Variants in CNTNAP3B observed in about 807,000 individuals in gnomAD.
CNTNAP3B encodes the protein contactin-associated protein-like 3B.
CNTNAP3B carries 25 observed loss-of-function variants against 108.9 expected under a neutral mutation model. That is an observed-to-expected ratio of 0.23 (90% CI 0.17 to 0.32). CNTNAP3B has a LOEUF of 0.32. CNTNAP3B is among the 10% of genes least tolerant of loss of function. The probability of loss-of-function intolerance (pLI) is 1.00; values close to 1 mark genes in which losing one functional copy is unlikely to be tolerated. For missense variants in CNTNAP3B, 252 were observed against 1,210.4 expected, an observed-to-expected ratio of 0.21 and a Z score of 11.75; for synonymous variants, 103 against 473.4, an observed-to-expected ratio of 0.22 and a Z score of 10.16.
intron 9 of CNTNAP3B, among the ~76,000 whole-genome samples, chr9:41,977,733 C>T (rs1420406715): frequency 2.3e-5 from 3 of 129,364 alleles, no homozygotes; most frequent in African/African-American, 6.3e-5. Flanking sequence ...CATTCTCCTG[C>T]CTCAGCCTCC....
chr9:42,094,447 G>A (rs1386244696), intron 2 of CNTNAP3B, among the ~76,000 whole-genome samples: 1 of 128,220 alleles, frequency 7.8e-6, no homozygotes, highest in Non-Finnish European at 1.6e-5. Flanking sequence ...TTGAGCCCAG[G>A]AATTCAAGAC....
At chr9:41,977,049 A>C (rs1255391488) in intron 9 of CNTNAP3B, among the ~76,000 whole-genome samples, 1 of 144,370 alleles carries the variant, frequency 6.9e-6, no homozygotes, top group African/African-American at 2.6e-5. Context: ...TATTCATGTA[A>C]CAATATATAC....
chr9:42,019,610 AAT>A lies in CNTNAP3B; in HGVS notation c.391-6087_391-6086del, dbSNP rs1250160023. On this transcript the variant is annotated intron_variant, in intron 3 of 23. Transcript: ENST00000377561. ...CTACTTCAAAAAAAAAAAAAAAAAA[AAT>A]TACCCTAGCATGGTGGCGTGCCCCT... 9.2e-4 allele frequency among the ~76,000 whole-genome samples: 134 copies of A among 145,214 alleles called. No individual in the cohort carries two copies. In the East Asian group the frequency reaches 9.5e-3, roughly 10 times the overall value.
rs1268168214 is a variant in CNTNAP3B, at chr9:41,940,557, C to T, written c.2081-2157G>A. Among the ~76,000 whole-genome samples the T allele has an allele frequency of 3.3e-5, 5 of 152,394 alleles. No individual in the cohort carries two copies. The East Asian group carries it at 9.6e-4, about 29-fold the overall frequency. On this transcript the variant is annotated intron_variant, in intron 13 of 23. Transcript: ENST00000377561. ...TTTTTAGGCCGGGTGCGGTGGCTCA[C>T]GCCTGTAATCCCAGCACTTTCGGAG...
At position 42,042,857 on chromosome 9, in the gene CNTNAP3B, T is replaced by C. The variant is rs1587225116; in HGVS notation, c.391-29332A>G. Among the ~76,000 whole-genome samples the C allele has an allele frequency of 3.7e-5, 5 of 136,292 alleles. No individual in the cohort carries two copies. In the South Asian group the frequency reaches 1.2e-3, roughly 34 times the overall value. The allele number at this position is 136,292 out of a possible 152,430, so 89.4% of individuals were successfully genotyped here. A position where few individuals can be genotyped will look rare whatever the true frequency, so the allele number is the denominator to read the frequency against. ...AGTGTCCATTCAAATCAGTGATTGATGAGAATACACAGTGTATTTTTCCTC... is the reference window on the plus strand; with the variant it reads ...AGTGTCCATTCAAATCAGTGATTGACGAGAATACACAGTGTATTTTTCCTC... On this transcript the variant is annotated intron_variant, in intron 3 of 23. Coordinates refer to ENST00000377561, the MANE Select transcript of CNTNAP3B (RefSeq NM_001201380.3).
chr9:41,931,472 T>C (rs1823975441), intron 14 of CNTNAP3B, among the ~76,000 whole-genome samples: 1 of 152,414 alleles, frequency 6.6e-6, no homozygotes, highest in Non-Finnish European at 1.5e-5. Context: ...AGACTAGGTA[T>C]CAAACTTTCA....
At chr9:41,973,330 T>A (rs1825461683) in intron 9 of CNTNAP3B, among the ~76,000 whole-genome samples, 1 of 136,312 alleles carries the variant, frequency 7.3e-6, no homozygotes, top group South Asian at 2.6e-4. Context: ...CGCAAAAAGT[T>A]ATGAAACTTT....
chr9:41,967,957 G>C (rs1478196829), intron 10 of CNTNAP3B, among the ~76,000 whole-genome samples: 1 of 152,234 alleles, frequency 6.6e-6, no homozygotes, highest in African/African-American at 2.4e-5. Flanking sequence ...GTAACTTTGG[G>C]GTACAATTTG....
rs1588036968 is a variant in CNTNAP3B, at chr9:41,916,588, T to C, written c.2995+3482A>G. Among the ~76,000 whole-genome samples, 4 of 148,602 alleles carry C rather than the reference T, an allele frequency of 2.7e-5. No homozygotes were observed. In the South Asian group the frequency reaches 8.4e-4, roughly 31 times the overall value. ...TTTTATAATTTTTAGTTTTTATGAATACCTAATAGTTGTATGTATTTATGG... is the reference window on the plus strand; with the variant it reads ...TTTTATAATTTTTAGTTTTTATGAACACCTAATAGTTGTATGTATTTATGG... On this transcript the variant is annotated intron_variant, in intron 18 of 23. Coordinates refer to ENST00000377561, the MANE Select transcript of CNTNAP3B (RefSeq NM_001201380.3).
In CNTNAP3B at chr9:42,121,662, T is replaced by A. The variant is rs1202905068; in HGVS notation, c.85+7348A>T. Among the ~76,000 whole-genome samples the A allele has an allele frequency of 2.9e-5, 4 of 140,292 alleles. 2 individuals carry two copies. Among genetic ancestry groups the A allele is most frequent in the Admixed American group, 1.4e-4 (2 of 14,116 alleles). The allele number at this position is 140,292 out of a possible 152,430, so 92.0% of individuals were successfully genotyped here. Reference sequence around the variant, plus strand: ...TCCAAAAAAGGAAAGCTGCCCAATCTCTTCTCTAGAATGTGTCAACTGTGA... The same window carrying A: ...TCCAAAAAAGGAAAGCTGCCCAATCACTTCTCTAGAATGTGTCAACTGTGA... On this transcript the variant is annotated intron_variant, in intron 1 of 23. Transcript: ENST00000377561.
intron 1 of CNTNAP3B, among the ~76,000 whole-genome samples, chr9:42,122,425 T>C (rs1828483552): frequency 7.4e-6 from 1 of 135,638 alleles, no homozygotes; most frequent in Non-Finnish European, 1.6e-5. Context: ...GTAGGTTCTG[T>C]GACAGCCTGT....
chr9:42,071,464 G>A (rs1827377878), intron 3 of CNTNAP3B, among the ~76,000 whole-genome samples: 1 of 135,786 alleles, frequency 7.4e-6, no homozygotes, highest in African/African-American at 2.9e-5. Flanking sequence ...CAGATAAGCA[G>A]AGAATACGGT....
intron 1 of CNTNAP3B, among the ~76,000 whole-genome samples, chr9:42,118,361 G>C (rs577939087): frequency 7.2e-6 from 1 of 139,662 alleles, no homozygotes; most frequent in Non-Finnish European, 1.5e-5. Context: ...GGGACGCAAG[G>C]CTGGTTCAAC....
intron 14 of CNTNAP3B, among the ~76,000 whole-genome samples, chr9:41,933,889 T>C (rs1013169847): frequency 7.9e-5 from 12 of 152,204 alleles, no homozygotes; most frequent in Non-Finnish European, 1.6e-4. Context: ...ATTCCATCCA[T>C]TTACAAAATT....
At chr9:41,977,670 T>G (rs1275927960) in intron 9 of CNTNAP3B, among the ~76,000 whole-genome samples, 5 of 129,786 alleles carry the variant, frequency 3.9e-5, no homozygotes, top group Admixed American at 7.8e-5. Context: ...CAGGCTGGAG[T>G]GCAGTGGCGC....
At chr9:41,934,122 T>TATATATATATATATATACACAC (rs1214326050) in intron 14 of CNTNAP3B, among the ~76,000 whole-genome samples, 833 of 72,084 alleles carry the variant, frequency 0.012, 6 homozygotes, top group Non-Finnish European at 0.016. Flanking sequence ...TATATATATA[T>TATATATATATATATATACACAC]ACACACACAT....
chr9:42,114,029 G>T (rs1210279892), intron 1 of CNTNAP3B, among the ~76,000 whole-genome samples: 1 of 123,906 alleles, frequency 8.1e-6, no homozygotes, highest in Non-Finnish European at 1.7e-5. Flanking sequence ...AGAATATAAG[G>T]TATGAGAAGG....
At chr9:42,018,851 G>A (rs1162985298) in intron 3 of CNTNAP3B, among the ~76,000 whole-genome samples, 1 of 151,788 alleles carries the variant, frequency 6.6e-6, no homozygotes, top group East Asian at 1.9e-4. Flanking sequence ...ACACTGGGGA[G>A]AATGATGATC....
chr9:41,915,928 TA>T (rs1823505778), intron 18 of CNTNAP3B, among the ~76,000 whole-genome samples: 1 of 151,508 alleles, frequency 6.6e-6, no homozygotes, highest in Non-Finnish European at 1.5e-5. Context: ...ATATATATCT[TA>T]TCAATAATCT....
Sources: gnomAD v4.1 joint callset for allele counts (sites outside exome capture counted in the v4.1 genomes callset) on GRCh38, gnomAD v4.1.1 for gene constraint, MANE v1.5 for transcripts, NCBI Gene and HGNC (gene_info 2026-07-23, HGNC 2026-07-21) for gene names.